The following PCDHGB1 variants were observed in gnomAD, a reference collection of about 807,000 sequenced individuals.
PCDHGB1 encodes protocadherin gamma subfamily B, 1, also known as protocadherin gamma-B1.
Under a neutral mutation model 56.6 loss-of-function variants are expected in PCDHGB1, and 34 were observed. The observed-to-expected ratio is 0.60, with a 90% CI of 0.46 to 0.80. PCDHGB1 has a LOEUF of 0.80. Ranked by LOEUF, PCDHGB1 falls within the 30% of genes least tolerant of loss-of-function variation. The pLI, the probability that PCDHGB1 is intolerant of heterozygous loss-of-function variation, is 0.00. For synonymous variants in PCDHGB1, 561 were observed against 505.9 expected (o/e 1.11, Z -1.46); for missense variants, 1,278 against 1,204.6 (o/e 1.06, Z -0.90).
intron 1 of PCDHGB1, chr5:141,384,947 G>A: frequency 6.2e-7 from 1 of 1,614,100 alleles, no homozygotes; most frequent in Non-Finnish European, 8.5e-7. Context: ...CCCTCCGACG[G>A]TCCTTACAAC....
intron 1 of PCDHGB1, among the ~76,000 whole-genome samples, chr5:141,463,191 C>T (rs2099054821): frequency 6.6e-6 from 1 of 152,100 alleles, no homozygotes; most frequent in Non-Finnish European, 1.5e-5. Flanking sequence ...TATTATTTAG[C>T]CAAAGACTTG....
chr5:141,398,841 TC>T (rs1383151737), intron 1 of PCDHGB1: 5 of 1,613,612 alleles, frequency 3.1e-6, no homozygotes, highest in African/African-American at 1.3e-5. Flanking sequence ...CCAATGATAA[TC>T]CCCCGGTATT....
chr5:141,420,963 A>T, intron 1 of PCDHGB1: 1 of 430,262 alleles, frequency 2.3e-6, no homozygotes, highest in Non-Finnish European at 4.1e-6. Flanking sequence ...TAGTCGTTGC[A>T]ATAATAAGAA....
At chr5:141,384,331 G>T (rs376216978) in intron 1 of PCDHGB1, 21 of 1,613,846 alleles carry the variant, frequency 1.3e-5, no homozygotes, top group African/African-American at 2.7e-5. Context: ...GACTGCACAG[G>T]ACCACGACAG....
At chr5:141,423,042 G>A in intron 1 of PCDHGB1, 1 of 1,614,220 alleles carries the variant, frequency 6.2e-7, no homozygotes, top group Non-Finnish European at 8.5e-7. Context: ...ACGCCTGGCT[G>A]TCCTATCGCC....
chr5:141,356,111 TG>T, intron 1 of PCDHGB1: 1 of 1,613,818 alleles, frequency 6.2e-7, no homozygotes. Flanking sequence ...ATAACAATAT[TG>T]GGGGGTCTAG....
chr5:141,486,011 T>C lies in PCDHGB1; in HGVS notation c.2410-8796T>C. The C allele has an allele frequency of 6.2e-7, 1 of 1,614,188 alleles. No individual in the cohort carries two copies. Among genetic ancestry groups the C allele is most frequent in the Non-Finnish European group, 8.5e-7 (1 of 1,180,014 alleles). ...GGGTCCCAGTGGTAACGTCACCTTTTATTTCAGTGGTCATACCCCTGATCG... is the reference window on the plus strand; with the variant it reads ...GGGTCCCAGTGGTAACGTCACCTTTCATTTCAGTGGTCATACCCCTGATCG... On this transcript the variant is annotated intron_variant, in intron 1 of 3. Coordinates refer to ENST00000523390, the MANE Select transcript of PCDHGB1 (RefSeq NM_018922.3). This position sits in a 1 kb window ranked among gnomAD's most constrained non-coding sequence, Gnocchi z 5.0.
intron 1 of PCDHGB1, among the ~76,000 whole-genome samples, chr5:141,406,157 C>A: frequency 6.6e-6 from 1 of 151,124 alleles, no homozygotes. Flanking sequence ...ACTGCAGTCT[C>A]AATCTCCTGG....
intron 1 of PCDHGB1, chr5:141,404,993 C>G (rs1159647700): frequency 6.2e-7 from 1 of 1,613,850 alleles, no homozygotes; most frequent in Non-Finnish European, 8.5e-7. Flanking sequence ...TCTTCAGATC[C>G]CTGCAGACCT....
rs1374190670 is a variant in PCDHGB1 at position 141,487,196 on chromosome 5, G to C, written c.2410-7611G>C. ...GGAAGACACTCATCCAGTTGTCCCAGATCTTCGAGAATCTTCAGCTCCAAG... is the reference window on the plus strand; with the variant it reads ...GGAAGACACTCATCCAGTTGTCCCACATCTTCGAGAATCTTCAGCTCCAAG... On this transcript the variant is annotated intron_variant, in intron 1 of 3. Coordinates refer to ENST00000523390, the MANE Select transcript of PCDHGB1 (RefSeq NM_018922.3). The surrounding 1 kb of genome is among the most constrained non-coding windows in gnomAD (Gnocchi z 5.0). 6.2e-7 allele frequency: 1 copy of C among 1,613,878 alleles called. No homozygotes were observed. Among genetic ancestry groups the C allele is most frequent in the Admixed American group, 1.7e-5 (1 of 60,030 alleles).
chr5:141,350,317 G>A lies in PCDHGB1; in HGVS notation c.57G>A (p.Leu19=). ...MMKSQVLFPF[L]LSLFCGAISQ... ...AAAGTCAGGTACTGTTTCCCTTCCT[G>A]CTGTCTTTGTTCTGCGGGGCCATCT... Residue 19 remains leucine (L), a synonymous_variant, in exon 1 of 4, where the codon CTG becomes CTA. Coordinates refer to ENST00000523390, the MANE Select transcript of PCDHGB1 (RefSeq NM_018922.3). 1 of 1,527,098 alleles carries A rather than the reference G, an allele frequency of 6.5e-7. No homozygotes were observed. Among genetic ancestry groups the A allele is most frequent in the Non-Finnish European group, 8.8e-7 (1 of 1,139,478 alleles). 94.6% of individuals were successfully genotyped at this position (1,527,098 alleles called of 1,614,324 possible). A position where few individuals can be genotyped will look rare whatever the true frequency, so the allele number is the denominator to read the frequency against.
chr5:141,351,833 G>C lies in PCDHGB1; in HGVS notation c.1573G>C (p.Glu525Gln), dbSNP rs970318141. 1 of 1,613,230 alleles carries C rather than the reference G, an allele frequency of 6.2e-7. No individual in the cohort carries two copies. The highest frequency in any genetic ancestry group is 8.5e-7 in the Non-Finnish European group (1 of 1,179,800). ...AFDHEQLRAF[E>Q]LTLQARDQGS... ...CGACCACGAGCAGCTGCGCGCCTTC[G>C]AGCTCACACTGCAGGCCAGGGACCA... The change falls in exon 1 of 4, where the codon GAG becomes CAG. Residue 525 changes from glutamate to glutamine, a missense_variant. Coordinates refer to ENST00000523390, the MANE Select transcript of PCDHGB1 (RefSeq NM_018922.3).
intron 1 of PCDHGB1, chr5:141,384,570 C>T (rs1344812982): frequency 6.2e-7 from 1 of 1,614,240 alleles, no homozygotes; most frequent in South Asian, 1.1e-5. Context: ...ACCAGAATGA[C>T]AACCCGCCCG....
chr5:141,393,477 C>T (rs1561642767), intron 1 of PCDHGB1: 1 of 1,614,040 alleles, frequency 6.2e-7, no homozygotes, highest in African/African-American at 1.3e-5. Context: ...CAAGCCGCCT[C>T]GCTCTAGCAC....
intron 1 of PCDHGB1, chr5:141,433,354 T>C: frequency 1.7e-6 from 1 of 602,322 alleles, no homozygotes; most frequent in Non-Finnish European, 2.9e-6. Flanking sequence ...CCACCTACTG[T>C]CTGCCTATCT....
chr5:141,417,965 T>C lies in PCDHGB1; in HGVS notation c.2409+65296T>C. On this transcript the variant is annotated intron_variant, in intron 1 of 3. Coordinates refer to ENST00000523390, the MANE Select transcript of PCDHGB1 (RefSeq NM_018922.3). ...CACGCTGTGTGAGCCGATCCGCTAC[T>C]CGATTCCGGAGGAGCTGGCCAAGGG... 3 of 1,613,654 alleles carry C rather than the reference T, an allele frequency of 1.9e-6. No homozygotes were observed. In the South Asian group the frequency reaches 3.3e-5, roughly 18 times the overall value.
chr5:141,493,560 C>T lies in PCDHGB1; in HGVS notation c.2410-1247C>T, dbSNP rs1222578153. ...TTATCCTTTTGGAGATTGAGTTCCCCCAGCTCCGTTTCCTCCTATCACAAT... is the reference window on the plus strand; with the variant it reads ...TTATCCTTTTGGAGATTGAGTTCCCTCAGCTCCGTTTCCTCCTATCACAAT... On this transcript the variant is annotated intron_variant, in intron 1 of 3. Transcript: ENST00000523390. The surrounding 1 kb of genome is among the most constrained non-coding windows in gnomAD (Gnocchi z 4.3). Among the ~76,000 whole-genome samples, 4 of 152,162 alleles carry T rather than the reference C, an allele frequency of 2.6e-5. No individual in the cohort carries two copies. The highest frequency in any genetic ancestry group is 2.1e-4 in the South Asian group (1 of 4,830).
chr5:141,409,056 C>T, intron 1 of PCDHGB1: 2 of 1,613,926 alleles, frequency 1.2e-6, no homozygotes, highest in South Asian at 1.1e-5. Context: ...CGAAGCACTG[C>T]CCAGAGCACA....
rs1561748501 is a variant in PCDHGB1 at position 141,414,351 on chromosome 5, G to GT, written c.2409+61683dup. On this transcript the variant is annotated intron_variant, in intron 1 of 3. Coordinates refer to ENST00000523390, the MANE Select transcript of PCDHGB1 (RefSeq NM_018922.3). ...GACAGGTAACCTGTTCCATTTTGGC[G>GT]TATCTACCATTTAAATTAGAAAAGT... 2.5e-6 allele frequency: 4 copies of GT among 1,613,794 alleles called. No individual in the cohort carries two copies. The South Asian group carries it at 3.3e-5, about 13-fold the overall frequency.
Sources: allele counts gnomAD v4.1 joint callset (sites outside exome capture counted in the v4.1 genomes callset), GRCh38; gene constraint gnomAD v4.1.1; non-coding constraint Gnocchi (gnomAD v3.1); transcripts MANE v1.5; gene names NCBI Gene and HGNC (gene_info 2026-07-23, HGNC 2026-07-21).